AP2A1: variants seen among roughly 807,000 people sequenced by gnomAD.
The protein encoded by AP2A1 is AP-2 complex subunit alpha-1.
In AP2A1, 21 loss-of-function variants were observed where a neutral mutation model predicts 107.3. The ratio of observed to expected loss-of-function variants is 0.20; its 90% CI spans 0.14 to 0.28. AP2A1 has a LOEUF of 0.28. Among genes scored for constraint, AP2A1 ranks in the 10% least tolerant of loss-of-function variants. The pLI is 1.00. For missense variants in AP2A1, 873 were observed against 1,307.7 expected (o/e 0.67, Z 5.13); for synonymous variants, 602 against 564.8 (o/e 1.07, Z -0.93).
rs1200656121 is a variant in AP2A1, at chr19:49,806,503, CTT to C, written c.2791-175_2791-174del. On this transcript the variant is annotated intron_variant, in intron 22 of 22. Coordinates refer to ENST00000354293, the MANE Select transcript of AP2A1 (RefSeq NM_130787.3). ...CATATCCTTTCCACCTTTCTCTCAT[CTT>C]TTATAATTTTCTTCCTCTCTGGCGC... is the stretch of plus-strand genomic sequence containing the variant. The C allele has an allele frequency of 1.5e-4, 210 of 1,447,404 alleles. No homozygotes were observed. In the African/African-American group the frequency reaches 2.8e-3, roughly 20 times the overall value. 89.7% of individuals were successfully genotyped at this position (1,447,404 alleles called of 1,614,324 possible).
intron 1 of AP2A1, among the ~76,000 whole-genome samples, chr19:49,770,752 T>TA (rs1261186930): frequency 6.6e-6 from 1 of 152,208 alleles, no homozygotes; most frequent in Non-Finnish European, 1.5e-5. Flanking sequence ...TCCATGTTGA[T>TA]AGAGTATCTT....
intron 1 of AP2A1, among the ~76,000 whole-genome samples, chr19:49,781,367 G>A (rs1401528828): frequency 6.6e-6 from 1 of 152,124 alleles, no homozygotes; most frequent in Non-Finnish European, 1.5e-5. Flanking sequence ...TGGTAGGGGT[G>A]AGCACCCTGC....
intron 18 of AP2A1, chr19:49,803,622 T>A (rs2073321395): frequency 1.9e-6 from 1 of 537,770 alleles, no homozygotes; most frequent in East Asian, 3.3e-5. Context: ...AGGCCTCATT[T>A]TGTCCCTGTC....
chr19:49,803,450 C>T, intron 18 of AP2A1, 74 bp downstream of exon 18: 1 of 1,228,040 alleles, frequency 8.1e-7, no homozygotes. Context: ...GCCGGCTGAC[C>T]CAGGTCCACA....
At position 49,801,743 on chromosome 19, in the gene AP2A1, C is replaced by T. The variant is rs866287624; in HGVS notation, c.1807C>T (p.Pro603Ser). Residue 603 changes from proline (P) to serine (S), a missense_variant, in exon 14 of 23, where the codon CCG (proline) becomes TCG (serine). Pro to Ser is a moderately conservative substitution (Grantham distance 74, BLOSUM62 -1). This residue lies in a region of AP2A1 where 213 missense variants were observed against 443.5 expected (regional missense o/e 0.48). Coordinates refer to ENST00000354293, the MANE Select transcript of AP2A1 (RefSeq NM_130787.3). ...CCAGGCCACGGTGCTGGAGGAGATG[C>T]CGCCCTTCCCCGAGCGCGAGTCGTC... ...DVLATVLEEM[P>S]PFPERESSIL... 6.4e-7 allele frequency: 1 copy of T among 1,564,634 alleles called. No homozygotes were observed.
At chr19:49,801,342 G>A (rs569944398) in intron 12 of AP2A1, 48 bp from the exon 13 acceptor site, 1 of 1,561,836 alleles carries the variant, frequency 6.4e-7, no homozygotes, top group African/African-American at 1.4e-5. Flanking sequence ...GGGTTTCTGG[G>A]AGAGGGCAGT....
Position 49,801,634 on chromosome 19 carries a change from T to TGCCCCCCCC in AP2A1, c.1785+13_1785+14insGCCCCCCCC. The TGCCCCCCCC allele has an allele frequency of 6.7e-7, 1 of 1,482,294 alleles. No homozygotes were observed. The highest frequency in any genetic ancestry group is 1.2e-5 in the South Asian group (1 of 85,560). The allele number at this position is 1,482,294 out of a possible 1,614,324, so 91.8% of individuals were successfully genotyped here. ...CACCGACGTCCTGGTCAGAGCCCTG[T>TGCCCCCCCC]CCCCCCACCCCACCCCTCTTGCACA... On this transcript the variant is annotated intron_variant, in intron 13 of 22. Coordinates refer to ENST00000354293, the MANE Select transcript of AP2A1 (RefSeq NM_130787.3).
At position 49,803,111 on chromosome 19, in the gene AP2A1, G is replaced by T. The variant is rs768301257; in HGVS notation, c.2176G>T (p.Val726Leu). ...TTGCGCCCCCTGCCCCCTCAGGTTT[G>T]TGTGTAAGAACAACGGGGTCCTGTT... ...PEADELLNKF[V>L]CKNNGVLFEN... The change falls in exon 17 of 23, where the codon GTG (valine) becomes TTG (leucine). Residue 726 changes from valine to leucine, a missense_variant. By Grantham distance (32) the Val-to-Leu change is conservative (BLOSUM62 1). This residue lies in a region of AP2A1 where 416 missense variants were observed against 473.4 expected (regional missense o/e 0.88). Coordinates refer to ENST00000354293, the MANE Select transcript of AP2A1 (RefSeq NM_130787.3). 1 of 1,614,026 alleles carries T rather than the reference G, an allele frequency of 6.2e-7. No individual in the cohort carries two copies. The highest frequency in any genetic ancestry group is 8.5e-7 in the Non-Finnish European group (1 of 1,179,896).
intron 3 of AP2A1, 34 bp downstream of exon 3, chr19:49,782,123 C>T: frequency 1.4e-6 from 2 of 1,421,302 alleles, no homozygotes; most frequent in Non-Finnish European, 1.9e-6. Context: ...AGGGCCTGGA[C>T]TCCTGGGTCT....
chr19:49,800,313 C>T (rs896750170), intron 11 of AP2A1, among the ~76,000 whole-genome samples, 163 bp downstream of exon 11: 1 of 152,228 alleles, frequency 6.6e-6, no homozygotes, highest in Admixed American at 6.5e-5. Context: ...ACCCAGGGGA[C>T]CCAGGGCTAT....
intron 6 of AP2A1, 48 bp from the exon 7 acceptor site, chr19:49,795,582 G>GCCCCCCCCCCCCCCCCCC: frequency 1.4e-6 from 1 of 692,054 alleles, no homozygotes. Flanking sequence ...GGACCCACGT[G>GCCCCCCCCCCCCCCCCCC]CCCCTCCCAC....
chr19:49,804,933 C>T (rs1015171957), intron 18 of AP2A1: 6 of 152,628 alleles, frequency 3.9e-5, no homozygotes, highest in South Asian at 2.1e-4. Flanking sequence ...TGTGTTGAGA[C>T]AGGGCCTCAC....
Position 49,799,319 on chromosome 19 carries a change from G to T in AP2A1, c.966-8G>T. ...TCACCATCCCTCTCTTGTGGCCCCTGCTGGCAGTGAGCCCAACCTCCTGGT... is the reference window on the plus strand; with the variant it reads ...TCACCATCCCTCTCTTGTGGCCCCTTCTGGCAGTGAGCCCAACCTCCTGGT... On this transcript the variant is annotated splice_polypyrimidine_tract_variant and splice_region_variant and intron_variant, in intron 8 of 22. Transcript: ENST00000354293. 6.2e-7 allele frequency: 1 copy of T among 1,608,364 alleles called. No homozygotes were observed.
Position 49,788,494 on chromosome 19 carries a change from A to G in AP2A1, c.474-3441A>G, listed in dbSNP as rs1185692322. On this transcript the variant is annotated intron_variant, in intron 4 of 22. Coordinates refer to ENST00000354293, the MANE Select transcript of AP2A1 (RefSeq NM_130787.3). The surrounding 1 kb of genome is among the most constrained non-coding windows in gnomAD (Gnocchi z 4.5). ...TTGGCCCAGAGTCAGGACTCGGGAG[A>G]TGCGCTGTGGCTCAGGAGATGTGTG... Among the ~76,000 whole-genome samples the G allele has an allele frequency of 6.6e-6, 1 of 151,898 alleles. No homozygotes were observed. The highest frequency in any genetic ancestry group is 2.4e-5 in the African/African-American group (1 of 41,404).
At position 49,798,958 on chromosome 19, in the gene AP2A1, C is replaced by T. The variant is rs753494493; in HGVS notation, c.965+6C>T. The T allele has an allele frequency of 6.3e-5, 97 of 1,551,798 alleles. No individual in the cohort carries two copies. The Middle Eastern group carries it at 8.3e-4, about 13-fold the overall frequency. ...CTCATCATCCACTATGACAGGTGCC[C>T]GCCTGGGCCTATCAGGGCCTGATGC... On this transcript the variant is annotated splice_donor_region_variant and intron_variant, in intron 8 of 22. Coordinates refer to ENST00000354293, the MANE Select transcript of AP2A1 (RefSeq NM_130787.3).
At chr19:49,794,675 T>C (rs1036744774) in intron 6 of AP2A1, among the ~76,000 whole-genome samples, 4 of 152,068 alleles carry the variant, frequency 2.6e-5, no homozygotes, top group Admixed American at 2.0e-4. Flanking sequence ...TCTTTCTTTT[T>C]TTTTGAGATG....
chr19:49,796,367 T>C (rs1308062942), intron 7 of AP2A1: 1 of 152,414 alleles, frequency 6.6e-6, no homozygotes, highest in Non-Finnish European at 1.5e-5. Context: ...CTCTCTGCTC[T>C]AAACCCCTCC....
chr19:49,786,974 C>T (rs528175997), intron 4 of AP2A1, among the ~76,000 whole-genome samples: 1 of 152,206 alleles, frequency 6.6e-6, no homozygotes, highest in Admixed American at 6.5e-5. Flanking sequence ...GACTGGGGCA[C>T]GAAGGAACTT....
In AP2A1 at chr19:49,807,083, A is replaced by C. The variant is rs766679144; in HGVS notation, c.*325A>C. 4.5e-6 allele frequency: 6 copies of C among 1,340,810 alleles called. No homozygotes were observed. Among genetic ancestry groups the C allele is most frequent in the Non-Finnish European group, 5.9e-6 (6 of 1,017,350 alleles). 83.1% of individuals were successfully genotyped at this position (1,340,810 alleles called of 1,614,324 possible). A position where few individuals can be genotyped will look rare whatever the true frequency, so the allele number is the denominator to read the frequency against. ...CCTCCCCATCCAGGGGCTGTGTATT[A>C]TTGTGAGCGAATAAACAGAGAGACG... is the stretch of plus-strand genomic sequence containing the variant. On this transcript the variant is annotated 3_prime_UTR_variant, in exon 23 of 23. Coordinates refer to ENST00000354293, the MANE Select transcript of AP2A1 (RefSeq NM_130787.3).
Sources: allele counts gnomAD v4.1 joint callset (sites outside exome capture counted in the v4.1 genomes callset), GRCh38; gene constraint gnomAD v4.1.1; regional missense constraint gnomAD v4.1.1; non-coding constraint Gnocchi (gnomAD v3.1); transcripts MANE v1.5; gene names NCBI Gene and HGNC (gene_info 2026-07-23, HGNC 2026-07-21).